Variants in CNGB1 observed in about 807,000 individuals in gnomAD.
CNGB1 encodes cyclic nucleotide-gated channel beta-1.
Under a neutral mutation model 151.7 loss-of-function variants are expected in CNGB1, and 126 were observed. The ratio of observed to expected loss-of-function variants is 0.83; its 90% CI spans 0.72 to 0.96. CNGB1 has a LOEUF of 0.96. Among genes scored for constraint, CNGB1 ranks in the 40% least tolerant of loss-of-function variants. The pLI is 0.00. For missense variants in CNGB1, 1,698 were observed against 1,627.0 expected, an observed-to-expected ratio of 1.04 and a Z score of -0.75; for synonymous variants, 623 against 635.1, an observed-to-expected ratio of 0.98 and a Z score of 0.29.
intron 31 of CNGB1, among the ~76,000 whole-genome samples, chr16:57,891,495 G>A (rs575077483): frequency 1.3e-4 from 20 of 152,186 alleles, no homozygotes; most frequent in African/African-American, 4.3e-4. Context: ...GAAAGAGCAC[G>A]ACCCTGTCTC....
intron 31 of CNGB1, among the ~76,000 whole-genome samples, chr16:57,893,522 G>C (rs1414447983): frequency 4.6e-5 from 7 of 152,082 alleles, no homozygotes; most frequent in African/African-American, 1.7e-4. Context: ...AGCAGGCCAG[G>C]CACAGTGGCT....
chr16:57,900,372 G>A (rs1038139364), intron 29 of CNGB1, among the ~76,000 whole-genome samples: 4 of 152,210 alleles, frequency 2.6e-5, no homozygotes, highest in Non-Finnish European at 4.4e-5. Flanking sequence ...TCTTGGGGAC[G>A]GGGGTTCCCA....
rs2149386554 is a variant in CNGB1, at chr16:57,960,026, T to C, written c.623A>G (p.Gln208Arg). 5.1e-6 allele frequency: 8 copies of C among 1,571,320 alleles called. No individual in the cohort carries two copies. Among genetic ancestry groups the C allele is most frequent in the Non-Finnish European group, 6.9e-6 (8 of 1,160,962 alleles). The part of the protein sequence containing the change: ...GRPQEMGPKL[Q>R]ARETPSLPTP... ...GGGCAGGGAGGGGGTCTCCCGGGCCTGCAGCTTGGGCCCCATTTCCTGGGG... is the reference window on the plus strand; with the variant it reads ...GGGCAGGGAGGGGGTCTCCCGGGCCCGCAGCTTGGGCCCCATTTCCTGGGG... The change falls in exon 10 of 33, where the codon CAG (glutamine) becomes CGG (arginine). Residue 208 changes from glutamine to arginine, a missense_variant. Gln to Arg is a conservative substitution (Grantham distance 43, BLOSUM62 1). Transcript: ENST00000251102.
At chr16:57,929,886 A>G (rs547789892) in intron 17 of CNGB1, among the ~76,000 whole-genome samples, 3 of 152,364 alleles carry the variant, frequency 2.0e-5, no homozygotes, top group African/African-American at 7.2e-5. Flanking sequence ...CAAAACCACA[A>G]TGAGATACCA....
rs775102568 is a variant in CNGB1 at position 57,912,900 on chromosome 16, G to A, written c.2369+30C>T. On this transcript the variant is annotated intron_variant, in intron 24 of 32. Transcript: ENST00000251102. ...GTGTTTGTGAGTGTCATGTGTGTGT[G>A]CATGCATGCACATGCAGGGGGAGTC... is the stretch of plus-strand genomic sequence containing the variant. 3.7e-6 allele frequency: 6 copies of A among 1,603,944 alleles called. No individual in the cohort carries two copies. The Middle Eastern group carries it at 6.6e-4, about 176-fold the overall frequency.
chr16:57,944,490 C>T (rs1323106442), intron 14 of CNGB1, among the ~76,000 whole-genome samples: 1 of 152,002 alleles, frequency 6.6e-6, no homozygotes. Flanking sequence ...TAGTTAATAG[C>T]AATGTATTTG....
chr16:57,885,584 T>C (rs564269046), intron 32 of CNGB1, among the ~76,000 whole-genome samples: 22,146 of 86,558 alleles, frequency 0.26, 2,622 homozygotes, highest in East Asian at 0.33. Flanking sequence ...CTCTCTTTCT[T>C]TCTTTCTTTC....
intron 31 of CNGB1, among the ~76,000 whole-genome samples, chr16:57,893,017 T>A (rs566359397): frequency 6.6e-6 from 1 of 152,270 alleles, no homozygotes; most frequent in African/African-American, 2.4e-5. Context: ...CCCTCCTGTG[T>A]CCCCAGAACT....
intron 2 of CNGB1, among the ~76,000 whole-genome samples, chr16:57,965,794 T>C (rs144254523): frequency 6.6e-6 from 1 of 152,258 alleles, no homozygotes; most frequent in African/African-American, 2.4e-5. Flanking sequence ...GACATACTAA[T>C]ACATGTGCAC....
In CNGB1 at chr16:57,911,659, G is replaced by A. The variant is rs1960715092; in HGVS notation, c.2492+94C>T. ...GCAAAGTGGCCTTGGCAATACAGCAGCAATAAGACTCCTTCCTGGAGTCTC... is the reference window on the plus strand; with the variant it reads ...GCAAAGTGGCCTTGGCAATACAGCAACAATAAGACTCCTTCCTGGAGTCTC... On this transcript the variant is annotated intron_variant, in intron 25 of 32. Coordinates refer to ENST00000251102, the MANE Select transcript of CNGB1 (RefSeq NM_001297.5). The A allele has an allele frequency of 5.8e-6, 9 of 1,555,522 alleles. No homozygotes were observed. In the East Asian group the frequency reaches 1.4e-4, roughly 24 times the overall value.
chr16:57,930,840 T>C (rs1162486554), intron 17 of CNGB1, among the ~76,000 whole-genome samples: 40 of 151,888 alleles, frequency 2.6e-4, no homozygotes, highest in Admixed American at 2.6e-3. Context: ...AAAAGTAGAA[T>C]GGTGGCTGCC....
intron 9 of CNGB1, 111 bp downstream of exon 9, chr16:57,960,371 A>G: frequency 7.2e-7 from 1 of 1,386,406 alleles, no homozygotes; most frequent in Admixed American, 1.9e-5. Context: ...ACCCCGTCCT[A>G]GTCTGGGTGG....
Position 57,901,363 on chromosome 16 carries a change from CAT to C in CNGB1, c.2963_2964del (p.Tyr988CysfsTer10), listed in dbSNP as rs1485251030. 6 of 1,614,038 alleles carry C rather than the reference CAT, an allele frequency of 3.7e-6. No individual in the cohort carries two copies. Among genetic ancestry groups the C allele is most frequent in the Admixed American group, 1.7e-5 (1 of 60,006 alleles). ...CCAGGCCAGCTCACCTTCTTGCACA[CAT>C]AGTCGTTGGGCAGGTAGACAACAGA... ...LRSVVYLPND[Y>X]VCKKGEIGRE... is the part of the protein sequence containing the mutation. On this transcript the variant is annotated frameshift_variant, in exon 29 of 33. Transcript: ENST00000251102. LOFTEE classifies it high-confidence loss of function.
Position 57,939,450 on chromosome 16 carries a change from G to C in CNGB1, c.1352C>G (p.Ala451Gly). The C allele has an allele frequency of 6.2e-7, 1 of 1,614,126 alleles. No homozygotes were observed. Among genetic ancestry groups the C allele is most frequent in the Non-Finnish European group, 8.5e-7 (1 of 1,180,026 alleles). ...AETKEEPEAE[A>G]EAASSGVPAT... ...CCTACCTCCTGAACTGGCAGCCTCG[G>C]CCTCAGCCTCAGGCTCCTCCTTGGT... Residue 451 changes from alanine to glycine, a missense_variant, in exon 16 of 33, where the codon GCC becomes GGC. Physicochemically the swap from Ala to Gly is moderately conservative, Grantham distance 60 (BLOSUM62 0). Coordinates refer to ENST00000251102, the MANE Select transcript of CNGB1 (RefSeq NM_001297.5).
intron 16 of CNGB1, among the ~76,000 whole-genome samples, chr16:57,938,482 T>C (rs540448005): frequency 6.6e-6 from 1 of 152,234 alleles, no homozygotes; most frequent in South Asian, 2.1e-4. Context: ...CTTGGACACA[T>C]TGTCTCCCCT....
intron 20 of CNGB1, among the ~76,000 whole-genome samples, chr16:57,918,458 A>C (rs77561764): frequency 8.6e-4 from 131 of 152,318 alleles, no homozygotes; most frequent in African/African-American, 2.9e-3. Context: ...GAAGTGGGTT[A>C]TTTCTGAGGA....
chr16:57,890,486 C>T lies in CNGB1; in HGVS notation c.3243-2412G>A, dbSNP rs140533689. On this transcript the variant is annotated intron_variant, in intron 31 of 32. Coordinates refer to ENST00000251102, the MANE Select transcript of CNGB1 (RefSeq NM_001297.5). Reference sequence around the variant, plus strand: ...AAAATAACTATGTATAGGACCTTTGCTGATTGCTACTAGCTGTCTCTGTTT... The same window carrying T: ...AAAATAACTATGTATAGGACCTTTGTTGATTGCTACTAGCTGTCTCTGTTT... 3.3e-5 allele frequency among the ~76,000 whole-genome samples: 5 copies of T among 152,336 alleles called. No homozygotes were observed. The East Asian group carries it at 9.6e-4, about 29-fold the overall frequency.
chr16:57,915,544 T>C (rs1960841876), intron 22 of CNGB1, among the ~76,000 whole-genome samples: 2 of 152,130 alleles, frequency 1.3e-5, no homozygotes, highest in African/African-American at 4.8e-5. Flanking sequence ...GCAGCTTCAT[T>C]ATCCTCGATA....
At chr16:57,898,124 C>T (rs1960284672) in intron 29 of CNGB1, among the ~76,000 whole-genome samples, 1 of 152,154 alleles carries the variant, frequency 6.6e-6, no homozygotes, top group South Asian at 2.1e-4. Context: ...GGAGTGACTA[C>T]CCCATGCCCT....
Sources: allele counts gnomAD v4.1 joint callset (sites outside exome capture counted in the v4.1 genomes callset), GRCh38; gene constraint gnomAD v4.1.1; transcripts MANE v1.5; gene names NCBI Gene and HGNC (gene_info 2026-07-23, HGNC 2026-07-21).